The following GRM7 variants were observed in gnomAD, a reference collection of about 807,000 sequenced individuals.
GRM7 encodes the protein metabotropic glutamate receptor 7.
In GRM7, 35 loss-of-function variants were observed where a neutral mutation model predicts 84.5. The observed-to-expected ratio is 0.41, with a 90% CI of 0.32 to 0.55. The LOEUF is 0.55. Ranked by LOEUF, GRM7 falls within the 20% of genes least tolerant of loss-of-function variation. GRM7 has a pLI of 0.19. For missense variants in GRM7, 1,003 were observed against 1,194.6 expected, an observed-to-expected ratio of 0.84 and a Z score of 2.36; for synonymous variants, 487 against 455.1, an observed-to-expected ratio of 1.07 and a Z score of -0.89.
intron 1 of GRM7, among the ~76,000 whole-genome samples, chr3:6,974,387 C>T (rs1164959385): frequency 6.6e-6 from 1 of 152,138 alleles, no homozygotes; most frequent in East Asian, 1.9e-4. Flanking sequence ...AATTTGGGAG[C>T]TGTCAGCCTA....
intron 7 of GRM7, among the ~76,000 whole-genome samples, chr3:7,511,166 GA>G (rs1460225043): frequency 1.3e-5 from 2 of 152,122 alleles, no homozygotes; most frequent in African/African-American, 4.8e-5. Context: ...CCAAATTCCA[GA>G]AAAAGTGAGC....
chr3:7,102,305 C>T (rs1381257618), intron 1 of GRM7, among the ~76,000 whole-genome samples: 1 of 149,308 alleles, frequency 6.7e-6, no homozygotes, highest in African/African-American at 2.5e-5. Context: ...ATTTTTTCCC[C>T]TAGATGTGGG....
chr3:7,173,188 C>T (rs912648949), intron 2 of GRM7, among the ~76,000 whole-genome samples: 4 of 152,074 alleles, frequency 2.6e-5, no homozygotes, highest in East Asian at 1.9e-4. Flanking sequence ...GTCACAATGC[C>T]CCTCTAAGGC....
chr3:7,463,368 A>C (rs1463078854), intron 7 of GRM7, among the ~76,000 whole-genome samples: 1 of 152,040 alleles, frequency 6.6e-6, no homozygotes, highest in Non-Finnish European at 1.5e-5. Context: ...TTTTATTTTT[A>C]TTTGTTTGGT....
At chr3:7,061,164 C>T (rs76814055) in intron 1 of GRM7, among the ~76,000 whole-genome samples, 1 of 151,714 alleles carries the variant, frequency 6.6e-6, no homozygotes, top group South Asian at 2.1e-4. Context: ...GATAAATCTC[C>T]ATAAGGCTGT....
chr3:7,735,513 A>G (rs1174391196), intron 9 of GRM7, among the ~76,000 whole-genome samples: 1 of 140,188 alleles, frequency 7.1e-6, no homozygotes, highest in Non-Finnish European at 1.5e-5. Context: ...TAAAACTTTT[A>G]TTGAAAACTG....
chr3:7,677,261 TTAAAA>T lies in GRM7; in HGVS notation c.2452-2787_2452-2783del, dbSNP rs1700161525. 6.8e-5 allele frequency among the ~76,000 whole-genome samples: 7 copies of T among 103,402 alleles called. 1 individual carries two copies. The highest frequency in any genetic ancestry group is 5.7e-4 in the East Asian group (2 of 3,534). 67.8% of individuals were successfully genotyped at this position (103,402 alleles called of 152,430 possible). Reference sequence around the variant, plus strand: ...TGGGCAATAGAGGGAGACTCTGTCTTTAAAAAAAAAAAAAAAAAAAAAAAAAAAAA... The same window carrying T: ...TGGGCAATAGAGGGAGACTCTGTCTTAAAAAAAAAAAAAAAAAAAAAAAAA... On this transcript the variant is annotated intron_variant, in intron 8 of 9. Transcript: ENST00000357716.
intron 4 of GRM7, among the ~76,000 whole-genome samples, chr3:7,394,163 ATTCCAAAAACTGCTCTCC>A (rs1695113413): frequency 6.6e-6 from 1 of 152,184 alleles, no homozygotes; most frequent in African/African-American, 2.4e-5. Context: ...GATATGTCTG[ATTCCAAAAACTGCTCTCC>A]TTCCTCTCTC....
rs1408495873 is a variant in GRM7, at chr3:7,543,358, G to A, written c.1516-35064G>A. On this transcript the variant is annotated intron_variant, in intron 7 of 9. Coordinates refer to ENST00000357716, the MANE Select transcript of GRM7 (RefSeq NM_000844.4). ...CACAAGTGGTGGTGGAGATGACAAT[G>A]AGGGGAATATTTGGCAATGTATCAG... Among the ~76,000 whole-genome samples the A allele has an allele frequency of 2.0e-5, 3 of 152,212 alleles. No homozygotes were observed. The East Asian group carries it at 5.8e-4, about 29-fold the overall frequency.
At chr3:7,157,275 T>A (rs1694483556) in intron 2 of GRM7, among the ~76,000 whole-genome samples, 1 of 152,144 alleles carries the variant, frequency 6.6e-6, no homozygotes, top group African/African-American at 2.4e-5. Flanking sequence ...AGATGGTTAT[T>A]GTAGATATTT....
chr3:7,066,290 G>T (rs1268056636), intron 1 of GRM7, among the ~76,000 whole-genome samples: 1 of 151,832 alleles, frequency 6.6e-6, no homozygotes, highest in Non-Finnish European at 1.5e-5. Context: ...GATTAACCAA[G>T]AAAAGAAGAG....
At chr3:7,715,997 C>T (rs1486270912) in intron 9 of GRM7, among the ~76,000 whole-genome samples, 1 of 152,116 alleles carries the variant, frequency 6.6e-6, no homozygotes, top group Non-Finnish European at 1.5e-5. Flanking sequence ...GTTATTCTCA[C>T]CCCCTTCTAA....
chr3:7,175,585 T>C (rs571060118), intron 2 of GRM7, among the ~76,000 whole-genome samples: 1 of 152,312 alleles, frequency 6.6e-6, no homozygotes, highest in East Asian at 1.9e-4. Context: ...TTGCCCAGGC[T>C]AGAGTGCAGT....
At chr3:7,330,121 T>C (rs945314698) in intron 4 of GRM7, among the ~76,000 whole-genome samples, 1 of 152,084 alleles carries the variant, frequency 6.6e-6, no homozygotes, top group African/African-American at 2.4e-5. Context: ...TAGAAGGAAT[T>C]CTCTCTAAAT....
chr3:6,996,016 C>T (rs1474328407), intron 1 of GRM7, among the ~76,000 whole-genome samples: 1 of 152,062 alleles, frequency 6.6e-6, no homozygotes, highest in African/African-American at 2.4e-5. Flanking sequence ...ATACATATGC[C>T]TGATGACATG....
intron 8 of GRM7, among the ~76,000 whole-genome samples, chr3:7,629,951 A>G (rs1290749534): frequency 6.6e-6 from 1 of 152,154 alleles, no homozygotes; most frequent in East Asian, 1.9e-4. Context: ...TTGCTTTCAT[A>G]TTTTGTAACA....
chr3:6,986,557 C>T (rs926342865), intron 1 of GRM7, among the ~76,000 whole-genome samples: 1 of 152,126 alleles, frequency 6.6e-6, no homozygotes, highest in African/African-American at 2.4e-5. Flanking sequence ...GGTCTTCTGC[C>T]TCACACCCTC....
intron 2 of GRM7, among the ~76,000 whole-genome samples, chr3:7,209,962 C>T (rs972648183): frequency 2.0e-5 from 3 of 152,074 alleles, no homozygotes; most frequent in Non-Finnish European, 4.4e-5. Flanking sequence ...AGACCCAAGC[C>T]GTAAAACATT....
intron 4 of GRM7, among the ~76,000 whole-genome samples, chr3:7,362,720 C>G (rs1693719082): frequency 6.6e-6 from 1 of 152,028 alleles, no homozygotes; most frequent in Middle Eastern, 3.2e-3. Flanking sequence ...CTTATACTTT[C>G]AAGTTTATGT....
Sources: allele counts gnomAD v4.1 joint callset (sites outside exome capture counted in the v4.1 genomes callset), GRCh38; gene constraint gnomAD v4.1.1; transcripts MANE v1.5; gene names NCBI Gene and HGNC (gene_info 2026-07-23, HGNC 2026-07-21).